KHDC1: variants seen among roughly 807,000 people sequenced by gnomAD.
The protein encoded by KHDC1 is KH domain containing 1.
In KHDC1, 21 loss-of-function variants were observed where a neutral mutation model predicts 24.7. The observed-to-expected ratio is 0.85, with a 90% confidence interval of 0.60 to 1.23. The LOEUF (loss-of-function observed/expected upper bound fraction) is 1.23, where lower values mean the gene tolerates loss of function less well. Among genes scored for constraint, KHDC1 ranks in the 50% most tolerant of loss-of-function variants. The pLI is 0.00. For synonymous variants in KHDC1, 98 were observed against 111.7 expected, an observed-to-expected ratio of 0.88 and a Z score of 0.77; for missense variants, 274 against 298.5, an observed-to-expected ratio of 0.92 and a Z score of 0.61.
chr6:73,251,496 T>A (rs1327467997), intron 2 of KHDC1, among the ~76,000 whole-genome samples: 1 of 152,212 alleles, frequency 6.6e-6, no homozygotes, highest in Non-Finnish European at 1.5e-5. Flanking sequence ...AGCCAATCAC[T>A]GGCCCTCTAA....
chr6:73,244,211 G>C (rs1318453635), intron 2 of KHDC1, among the ~76,000 whole-genome samples: 3 of 152,162 alleles, frequency 2.0e-5, no homozygotes, highest in Non-Finnish European at 4.4e-5. Flanking sequence ...ATGATCAGGT[G>C]ACCTGATAGC....
chr6:73,304,741 G>T (rs993740417), intron 1 of KHDC1, among the ~76,000 whole-genome samples: 6 of 152,112 alleles, frequency 3.9e-5, no homozygotes, highest in African/African-American at 1.4e-4. Context: ...CTAATAATTG[G>T]CTCAGGTTTC....
In KHDC1 at chr6:73,263,158, C is replaced by G. The variant is rs1033939924; in HGVS notation, c.207-20628G>C. On this transcript the variant is annotated intron_variant, in intron 2 of 4. Transcript: ENST00000370384. ...CACCCGACCCTTCCAGGGGTCCCGG[C>G]TCGCGCCGCGGCCGCGCGAGGCGCG... The G allele has an allele frequency of 2.9e-5, 29 of 987,556 alleles. No homozygotes were observed. In the East Asian group the frequency reaches 2.4e-3, roughly 81 times the overall value. 61.2% of individuals were successfully genotyped at this position (987,556 alleles called of 1,614,324 possible).
At chr6:73,277,988 TTCTCTC>T (rs70994181) in intron 2 of KHDC1, among the ~76,000 whole-genome samples, 16,995 of 111,474 alleles carry the variant, frequency 0.15, 1,287 homozygotes, top group African/African-American at 0.27. Context: ...TGTAGATGCT[TTCTCTC>T]TCTCTCTCTC....
chr6:73,255,764 C>T (rs1264836952), intron 2 of KHDC1, among the ~76,000 whole-genome samples: 7 of 151,414 alleles, frequency 4.6e-5, no homozygotes, highest in South Asian at 2.1e-4. Context: ...TAACTGGGCA[C>T]GGTGGCGGGC....
chr6:73,254,198 G>A (rs781737849), intron 2 of KHDC1, among the ~76,000 whole-genome samples: 51 of 152,162 alleles, frequency 3.4e-4, no homozygotes, highest in Non-Finnish European at 2.6e-4. Context: ...AGTGGCTCAT[G>A]CCTGTAATCC....
chr6:73,307,813 G>A (rs1222477809), intron 1 of KHDC1, among the ~76,000 whole-genome samples: 2 of 152,142 alleles, frequency 1.3e-5, no homozygotes, highest in African/African-American at 4.8e-5. Flanking sequence ...CACATCACCT[G>A]GAGGTCTTCT....
intron 2 of KHDC1, among the ~76,000 whole-genome samples, chr6:73,285,064 C>T (rs1156652758): frequency 6.6e-6 from 1 of 152,074 alleles, no homozygotes; most frequent in East Asian, 1.9e-4. Context: ...AGGCTAGTCT[C>T]GAACTGCTGA....
chr6:73,291,696 C>T (rs540104176), intron 2 of KHDC1, among the ~76,000 whole-genome samples: 1 of 140,912 alleles, frequency 7.1e-6, no homozygotes, highest in South Asian at 2.2e-4. Context: ...TCAGGACCTA[C>T]GTTAAGGTGG....
intron 2 of KHDC1, chr6:73,268,239 ACG>A (rs1404338451): frequency 6.6e-6 from 1 of 152,314 alleles, no homozygotes; most frequent in Non-Finnish European, 1.5e-5. Context: ...GCAGACCTTC[ACG>A]GTGAGTGTGT....
chr6:73,262,997 G>T, intron 2 of KHDC1: 1 of 1,015,224 alleles, frequency 9.9e-7, no homozygotes, highest in Non-Finnish European at 1.2e-6. Flanking sequence ...GAATGAAGGA[G>T]GTGAGGGTGG....
chr6:73,295,543 G>A lies in KHDC1; in HGVS notation c.164-3503C>T, dbSNP rs116342268. Among the ~76,000 whole-genome samples, 1,240 of 151,590 alleles carry A rather than the reference G, an allele frequency of 8.2e-3. 18 individuals carry two copies. The highest frequency in any genetic ancestry group is 0.028 in the African/African-American group (1,168 of 41,322). ...CATAACAAGACCCTCTCCATGTTGG[G>A]GTCTCTTTAAAAACACACACAGCTG... On this transcript the variant is annotated intron_variant, in intron 1 of 4. Coordinates refer to ENST00000370384, the Ensembl canonical transcript of KHDC1.
At chr6:73,271,909 A>G (rs1373818188) in intron 2 of KHDC1, among the ~76,000 whole-genome samples, 1 of 150,264 alleles carries the variant, frequency 6.7e-6, no homozygotes, top group Non-Finnish European at 1.5e-5. Flanking sequence ...AAAAATAAGA[A>G]GACTGAGGTT....
intron 1 of KHDC1, among the ~76,000 whole-genome samples, chr6:73,298,185 A>G (rs989761936): frequency 2.6e-5 from 4 of 152,072 alleles, no homozygotes; most frequent in African/African-American, 9.7e-5. Flanking sequence ...GGTCAAGGCA[A>G]TCATTCCTAG....
At chr6:73,244,182 C>T (rs372372163) in intron 2 of KHDC1, among the ~76,000 whole-genome samples, 2 of 152,184 alleles carry the variant, frequency 1.3e-5, no homozygotes, top group South Asian at 2.1e-4. Flanking sequence ...CTCCATATTA[C>T]GCTAGATAAG....
At chr6:73,286,134 G>A (rs964742385) in intron 2 of KHDC1, among the ~76,000 whole-genome samples, 2 of 152,140 alleles carry the variant, frequency 1.3e-5, no homozygotes, top group Admixed American at 1.3e-4. Flanking sequence ...CCCATTCCCA[G>A]CCTTATCCTG....
chr6:73,307,366 A>T (rs1447111145), intron 1 of KHDC1, among the ~76,000 whole-genome samples: 1 of 152,140 alleles, frequency 6.6e-6, no homozygotes, highest in Non-Finnish European at 1.5e-5. Context: ...CGGAGGTTGC[A>T]ATGAGCCGAG....
At chr6:73,275,962 G>A (rs1767285477) in intron 2 of KHDC1, 1 of 152,470 alleles carries the variant, frequency 6.6e-6, no homozygotes, top group East Asian at 1.9e-4. Flanking sequence ...GGAGGCCAAG[G>A]CGGGTGGATC....
At chr6:73,300,538 C>T (rs1478446058) in intron 1 of KHDC1, 1 of 152,146 alleles carries the variant, frequency 6.6e-6, no homozygotes, top group Non-Finnish European at 1.5e-5. Flanking sequence ...CTATCACCAC[C>T]ACTAGACTAT....
Sources: allele counts gnomAD v4.1 joint callset (sites outside exome capture counted in the v4.1 genomes callset), GRCh38; gene constraint gnomAD v4.1.1; transcripts MANE v1.5; gene names NCBI Gene and HGNC (gene_info 2026-07-23, HGNC 2026-07-21).